The following ARHGAP32 variants were observed in gnomAD, a reference collection of about 807,000 sequenced individuals.
ARHGAP32 encodes rho GTPase-activating protein 32.
In ARHGAP32, 51 loss-of-function variants were observed where a neutral mutation model predicts 186.5. That is an observed-to-expected ratio of 0.27 (90% CI 0.22 to 0.35). The LOEUF is 0.35. Ranked by LOEUF, ARHGAP32 falls within the 10% of genes least tolerant of loss-of-function variation. The probability of loss-of-function intolerance (pLI) is 1.00; values close to 1 mark genes in which losing one functional copy is unlikely to be tolerated. For missense variants in ARHGAP32, 2,186 were observed against 2,623.5 expected (o/e 0.83, Z 3.64); for synonymous variants, 950 against 964.3 (o/e 0.99, Z 0.27).
chr11:129,206,240 C>G (rs1354354986), intron 1 of ARHGAP32, among the ~76,000 whole-genome samples: 1 of 151,968 alleles, frequency 6.6e-6, no homozygotes, highest in Admixed American at 6.6e-5. Flanking sequence ...GAAACATGGT[C>G]TCACTCTGTC....
chr11:129,225,013 A>C (rs2135622090), intron 1 of ARHGAP32, among the ~76,000 whole-genome samples: 1 of 152,204 alleles, frequency 6.6e-6, no homozygotes, highest in South Asian at 2.1e-4. Flanking sequence ...TGAGAGGCTG[A>C]CACAGGAGGA....
intron 6 of ARHGAP32, among the ~76,000 whole-genome samples, chr11:129,090,035 T>C (rs1346657359): frequency 6.6e-6 from 1 of 152,192 alleles, no homozygotes; most frequent in Non-Finnish European, 1.5e-5. Flanking sequence ...TGTATGCAAG[T>C]TACTCAACAT....
chr11:129,123,973 TAC>T lies in ARHGAP32; in HGVS notation c.318-46_318-45del. 1.6e-6 allele frequency: 2 copies of T among 1,264,508 alleles called. No homozygotes were observed. The highest frequency in any genetic ancestry group is 2.1e-6 in the Non-Finnish European group (2 of 968,014). The allele number at this position is 1,264,508 out of a possible 1,614,324, so 78.3% of individuals were successfully genotyped here. ...TTTTTATCCTTGTCTTTCCTCTACTTACACATGAAGCATAACTATCTAACTCT... is the reference window on the plus strand; with the variant it reads ...TTTTTATCCTTGTCTTTCCTCTACTTACATGAAGCATAACTATCTAACTCT... On this transcript the variant is annotated intron_variant, in intron 3 of 22. Coordinates refer to ENST00000682385, the MANE Select transcript of ARHGAP32 (RefSeq NM_001378024.1). The surrounding 1 kb of genome is among the most constrained non-coding windows in gnomAD (Gnocchi z 4.6).
At chr11:129,149,310 T>C (rs1422577868) in intron 2 of ARHGAP32, among the ~76,000 whole-genome samples, 2 of 152,162 alleles carry the variant, frequency 1.3e-5, no homozygotes, top group Non-Finnish European at 2.9e-5. Flanking sequence ...ATTTGACAAC[T>C]TTACTGCTAG....
chr11:129,074,224 AGTTT>A (rs1940965155), intron 6 of ARHGAP32, among the ~76,000 whole-genome samples: 1 of 152,172 alleles, frequency 6.6e-6, no homozygotes, highest in Non-Finnish European at 1.5e-5. Flanking sequence ...AACAGATAAC[AGTTT>A]GTTCAAATAA....
intron 11 of ARHGAP32, among the ~76,000 whole-genome samples, chr11:129,019,819 T>C (rs1006204648): frequency 2.0e-5 from 3 of 152,118 alleles, no homozygotes; most frequent in Non-Finnish European, 4.4e-5. Context: ...ATAAGACATA[T>C]AGTCTAATTA....
At chr11:129,217,753 T>G (rs561131263) in intron 1 of ARHGAP32, among the ~76,000 whole-genome samples, 2 of 152,284 alleles carry the variant, frequency 1.3e-5, no homozygotes, top group South Asian at 4.1e-4. Flanking sequence ...TTATTCTAAT[T>G]TTTGAAATAA....
At chr11:129,029,801 CAAAAAAAAA>C (rs34762356) in intron 11 of ARHGAP32, among the ~76,000 whole-genome samples, 41 of 46,946 alleles carry the variant, frequency 8.7e-4, no homozygotes, top group Middle Eastern at 0.025. Context: ...GACTCCGTCT[CAAAAAAAAA>C]AAAAAAAAAA....
intron 1 of ARHGAP32, among the ~76,000 whole-genome samples, 197 bp downstream of exon 1, chr11:129,191,886 G>A (rs1944278068): frequency 6.6e-6 from 1 of 152,042 alleles, no homozygotes; most frequent in South Asian, 2.1e-4. Flanking sequence ...CCTTTAAAAT[G>A]CATTTTACAA....
chr11:129,271,446 A>G (rs1333214834), intron 1 of ARHGAP32, among the ~76,000 whole-genome samples: 1 of 152,054 alleles, frequency 6.6e-6, no homozygotes, highest in Non-Finnish European at 1.5e-5. Flanking sequence ...CTGAGATGGT[A>G]AAGACTTGGG....
At chr11:129,264,813 T>C (rs1459001229) in intron 1 of ARHGAP32, among the ~76,000 whole-genome samples, 1 of 152,194 alleles carries the variant, frequency 6.6e-6, no homozygotes, top group Non-Finnish European at 1.5e-5. Context: ...GTTCTGATCA[T>C]GCCTTGGAAC....
At chr11:129,216,628 G>C (rs914225185) in intron 1 of ARHGAP32, among the ~76,000 whole-genome samples, 1 of 141,666 alleles carries the variant, frequency 7.1e-6, no homozygotes, top group African/African-American at 2.6e-5. Flanking sequence ...CCAAGATTGC[G>C]CCACTGCACT....
At chr11:129,071,401 T>C (rs1489704655) in intron 6 of ARHGAP32, among the ~76,000 whole-genome samples, 1 of 151,806 alleles carries the variant, frequency 6.6e-6, no homozygotes, top group Non-Finnish European at 1.5e-5. Flanking sequence ...GCAAAAGCAC[T>C]GAACAGACAT....
At chr11:129,081,541 T>G (rs543018408) in intron 6 of ARHGAP32, among the ~76,000 whole-genome samples, 1 of 151,820 alleles carries the variant, frequency 6.6e-6, no homozygotes, top group East Asian at 1.9e-4. Context: ...GCAAAAACAT[T>G]TGACAAAATC....
intron 11 of ARHGAP32, among the ~76,000 whole-genome samples, chr11:128,999,539 C>T (rs191746504): frequency 2.6e-4 from 39 of 152,254 alleles, no homozygotes; most frequent in Admixed American, 5.9e-4. Context: ...CGTAAACACC[C>T]TCCCCTTTGA....
intron 15 of ARHGAP32, among the ~76,000 whole-genome samples, chr11:128,984,525 G>A (rs1196799899): frequency 3.3e-5 from 5 of 152,166 alleles, no homozygotes; most frequent in Non-Finnish European, 5.9e-5. Context: ...ATTCAGAAAT[G>A]TTAATGTTAA....
chr11:129,038,908 GA>G (rs1939477060), intron 11 of ARHGAP32, among the ~76,000 whole-genome samples: 1 of 112,212 alleles, frequency 8.9e-6, no homozygotes, highest in African/African-American at 3.3e-5. Context: ...AAAAAAAAAA[GA>G]AAAAGAAAAA....
rs1357896180 is a variant in ARHGAP32, at chr11:129,164,333, T to C, written c.211A>G (p.Thr71Ala). The change falls in exon 2 of 23, where the codon ACT becomes GCT. Residue 71 changes from threonine (T) to alanine (A), a missense_variant. Coordinates refer to ENST00000682385, the MANE Select transcript of ARHGAP32 (RefSeq NM_001378024.1). ...AACTGATTTACCATTGCGCTAAGAG[T>C]TTCTTCCCAATCAGGCCGCTCTCGA... ...HPRERPDWEE[T>A]LSAMARGADV... The C allele has an allele frequency of 7.0e-6, 11 of 1,563,400 alleles. No homozygotes were observed. The highest frequency in any genetic ancestry group is 8.7e-6 in the Non-Finnish European group (10 of 1,149,782).
intron 18 of ARHGAP32, among the ~76,000 whole-genome samples, chr11:128,979,662 A>G (rs1215381208): frequency 6.6e-6 from 1 of 152,188 alleles, no homozygotes; most frequent in African/African-American, 2.4e-5. Flanking sequence ...CTTTTTGCTG[A>G]TAGAATGTTT....
Sources: gnomAD v4.1 joint callset for allele counts (sites outside exome capture counted in the v4.1 genomes callset) on GRCh38, gnomAD v4.1.1 for gene constraint, Gnocchi (gnomAD v3.1) non-coding constraint, MANE v1.5 for transcripts, NCBI Gene and HGNC (gene_info 2026-07-23, HGNC 2026-07-21) for gene names.